Variants in GRM8 observed in about 807,000 individuals in gnomAD.
The protein encoded by GRM8 is glutamate metabotropic receptor 8, also known as metabotropic glutamate receptor 8.
A neutral mutation model predicts 87.2 loss-of-function variants in GRM8; 47 were observed. The observed-to-expected ratio is 0.54, with a 90% CI of 0.43 to 0.69. The LOEUF is 0.69. GRM8 is among the 30% of genes least tolerant of loss of function. The probability of loss-of-function intolerance (pLI) is 0.00; values close to 1 mark genes in which losing one functional copy is unlikely to be tolerated. For missense variants in GRM8, 1,019 were observed against 1,139.2 expected (o/e 0.89, Z 1.52); for synonymous variants, 396 against 404.5 (o/e 0.98, Z 0.25).
intron 6 of GRM8, among the ~76,000 whole-genome samples, chr7:126,808,984 T>G (rs1793040415): frequency 6.6e-6 from 1 of 152,184 alleles, no homozygotes. Context: ...AGGTCATAAG[T>G]GCAAAATGGG....
intron 6 of GRM8, among the ~76,000 whole-genome samples, chr7:126,810,173 G>A (rs1793156120): frequency 6.6e-6 from 1 of 152,090 alleles, no homozygotes; most frequent in Non-Finnish European, 1.5e-5. Flanking sequence ...GATAATGAGT[G>A]CCAAACTTTT....
At chr7:127,199,589 G>A (rs1459707420) in intron 2 of GRM8, among the ~76,000 whole-genome samples, 3 of 152,174 alleles carry the variant, frequency 2.0e-5, no homozygotes, top group African/African-American at 4.8e-5. Flanking sequence ...CCAGTTCCCT[G>A]CATTGTTTGT....
chr7:126,604,368 T>C (rs1798145542), intron 8 of GRM8, among the ~76,000 whole-genome samples: 1 of 152,058 alleles, frequency 6.6e-6, no homozygotes, highest in African/African-American at 2.4e-5. Context: ...TTACAGCTAC[T>C]CCCTATTCAG....
At chr7:127,194,679 G>T (rs1795193037) in intron 2 of GRM8, among the ~76,000 whole-genome samples, 1 of 152,080 alleles carries the variant, frequency 6.6e-6, no homozygotes. Flanking sequence ...CATTTAACTA[G>T]CTTTCCTGAT....
intron 7 of GRM8, among the ~76,000 whole-genome samples, chr7:126,627,254 T>C (rs1188572662): frequency 6.6e-6 from 1 of 152,238 alleles, no homozygotes; most frequent in Non-Finnish European, 1.5e-5. Context: ...TGGCACAATG[T>C]CTGGAGATAT....
chr7:126,737,589 T>C (rs1236257165), intron 7 of GRM8, among the ~76,000 whole-genome samples: 1 of 152,058 alleles, frequency 6.6e-6, no homozygotes, highest in Non-Finnish European at 1.5e-5. Flanking sequence ...ACCTCTCTCA[T>C]GATATTAAAT....
chr7:126,576,081 G>A (rs1446857725), intron 8 of GRM8, among the ~76,000 whole-genome samples: 1 of 152,100 alleles, frequency 6.6e-6, no homozygotes, highest in Non-Finnish European at 1.5e-5. Flanking sequence ...CTGTAAATAT[G>A]TTTAACATCT....
intron 2 of GRM8, among the ~76,000 whole-genome samples, chr7:127,168,974 G>A (rs935549780): frequency 4.7e-5 from 7 of 149,196 alleles, no homozygotes; most frequent in Admixed American, 2.0e-4. Flanking sequence ...AAACCTGCAC[G>A]TTCTGCACAT....
intron 2 of GRM8, among the ~76,000 whole-genome samples, chr7:127,142,350 TG>T (rs1019806161): frequency 6.6e-6 from 1 of 152,074 alleles, no homozygotes; most frequent in African/African-American, 2.4e-5. Flanking sequence ...GTGCATGGAC[TG>T]GGGAAATACA....
intron 9 of GRM8, among the ~76,000 whole-genome samples, chr7:126,474,443 A>C (rs920956134): frequency 2.6e-5 from 4 of 151,976 alleles, no homozygotes; most frequent in Non-Finnish European, 5.9e-5. Context: ...TAATTGTTTA[A>C]TTTTTTGTAG....
Position 127,114,339 on chromosome 7 carries a change from C to A in GRM8, c.511-7627G>T, listed in dbSNP as rs201878786. Among the ~76,000 whole-genome samples, 4 of 152,080 alleles carry A rather than the reference C, an allele frequency of 2.6e-5. No homozygotes were observed. The East Asian group carries it at 5.8e-4, about 22-fold the overall frequency. ...GGGAAATCATGGGGTCAAGGAGAGC[C>A]AGGAGTACACTATATTGCACCATAT... is the stretch of plus-strand genomic sequence containing the variant. On this transcript the variant is annotated intron_variant, in intron 2 of 10. Coordinates refer to ENST00000339582, the MANE Select transcript of GRM8 (RefSeq NM_000845.3).
intron 3 of GRM8, among the ~76,000 whole-genome samples, chr7:126,980,770 G>A (rs1811441385): frequency 6.6e-6 from 1 of 152,066 alleles, no homozygotes; most frequent in Admixed American, 6.5e-5. Flanking sequence ...TACTAACTAA[G>A]CTGTCATTTC....
intron 6 of GRM8, among the ~76,000 whole-genome samples, chr7:126,827,210 G>T (rs1204851137): frequency 6.6e-6 from 1 of 152,062 alleles, no homozygotes; most frequent in South Asian, 2.1e-4. Context: ...CTCTTTTTTG[G>T]TTCCATATGA....
chr7:126,550,010 A>G (rs6467087), intron 8 of GRM8, among the ~76,000 whole-genome samples: 12,747 of 149,784 alleles, frequency 0.085, 1,523 homozygotes, highest in African/African-American at 0.27. Context: ...TATAACTTGC[A>G]TGTTGTTTTA....
At chr7:126,663,208 G>C (rs531047328) in intron 7 of GRM8, among the ~76,000 whole-genome samples, 1 of 152,176 alleles carries the variant, frequency 6.6e-6, no homozygotes, top group Non-Finnish European at 1.5e-5. Flanking sequence ...AATTCCACCA[G>C]ATAGACAAAG....
intron 2 of GRM8, among the ~76,000 whole-genome samples, chr7:127,153,571 T>A (rs1488002782): frequency 6.6e-6 from 1 of 152,114 alleles, no homozygotes; most frequent in Non-Finnish European, 1.5e-5. Flanking sequence ...AGAGTCACTT[T>A]GGGATATGGT....
intron 8 of GRM8, among the ~76,000 whole-genome samples, chr7:126,592,784 T>C (rs1796811493): frequency 6.6e-6 from 1 of 151,884 alleles, no homozygotes; most frequent in African/African-American, 2.4e-5. Context: ...TTCTATTCAG[T>C]ACATACTGGA....
intron 7 of GRM8, among the ~76,000 whole-genome samples, chr7:126,647,946 C>T (rs138443972): frequency 0.012 from 1,808 of 152,236 alleles, 33 homozygotes; most frequent in African/African-American, 0.041. Flanking sequence ...TGCCATTGTA[C>T]ATTGGAAGAA....
intron 2 of GRM8, among the ~76,000 whole-genome samples, chr7:127,138,307 C>T (rs954503740): frequency 5.3e-5 from 8 of 152,014 alleles, no homozygotes; most frequent in Admixed American, 3.9e-4. Context: ...CCCAGAGGCT[C>T]GAATATTCCC....
Sources: allele counts gnomAD v4.1 joint callset (sites outside exome capture counted in the v4.1 genomes callset), GRCh38; gene constraint gnomAD v4.1.1; transcripts MANE v1.5; gene names NCBI Gene and HGNC (gene_info 2026-07-23, HGNC 2026-07-21).